SPEGNB: variants seen among roughly 807,000 people sequenced by gnomAD.
The protein encoded by SPEGNB is SPEG neighbor.
A neutral mutation model predicts 18.3 loss-of-function variants in SPEGNB; 12 were observed. The observed-to-expected ratio is 0.65, with a 90% CI of 0.42 to 1.06. The LOEUF is 1.06. Among genes scored for constraint, SPEGNB ranks in the 50% least tolerant of loss-of-function variants. The pLI is 0.00. For missense variants in SPEGNB, 273 were observed against 329.3 expected, an observed-to-expected ratio of 0.83 and a Z score of 1.32; for synonymous variants, 113 against 138.8, an observed-to-expected ratio of 0.81 and a Z score of 1.31.
intron 4 of SPEGNB, 47 bp from the exon 5 acceptor site, chr2:219,498,004 C>T (rs559033573): frequency 1.6e-6 from 2 of 1,286,974 alleles, no homozygotes; most frequent in Non-Finnish European, 2.0e-6. Flanking sequence ...CCAGTGCGCC[C>T]GTGTACTGAC....
Position 219,496,299 on chromosome 2 carries a change from G to A in SPEGNB, c.1-56G>A, listed in dbSNP as rs531826862. On this transcript the variant is annotated intron_variant, in intron 1 of 4. Coordinates refer to ENST00000651166, the MANE Select transcript of SPEGNB (RefSeq NM_001286811.2). The stretch of plus-strand genomic sequence containing the variant: ...GTTCTGACCAGGGAGGAAAAGGGCT[G>A]AAGGTGGGAGCCTCTGTCTCAACCT... The A allele has an allele frequency of 2.6e-6, 3 of 1,152,158 alleles. No homozygotes were observed. The East Asian group carries it at 1.9e-4, about 73-fold the overall frequency. The allele number at this position is 1,152,158 out of a possible 1,614,324, so 71.4% of individuals were successfully genotyped here.
Position 219,496,396 on chromosome 2 carries a change from C to T in SPEGNB, c.42C>T (p.Ala14=), listed in dbSNP as rs1694225827. Residue 14 remains alanine, a synonymous_variant, in exon 2 of 5, where the codon GCC becomes GCT. Transcript: ENST00000651166. ...AAPAKKPVAV[A]PAPGCTLDIN... ...CTGCCAAAAAGCCAGTGGCTGTGGC[C>T]CCAGCTCCTGGATGTACCCTGGACA... The T allele has an allele frequency of 7.8e-7, 1 of 1,287,590 alleles. No homozygotes were observed. Among genetic ancestry groups the T allele is most frequent in the Admixed American group, 2.3e-5 (1 of 43,190 alleles). 79.8% of individuals were successfully genotyped at this position (1,287,590 alleles called of 1,614,324 possible). A position where few individuals can be genotyped will look rare whatever the true frequency, so the allele number is the denominator to read the frequency against.
rs1250479690 is a variant in SPEGNB at position 219,497,042 on chromosome 2, A to G, written c.362A>G (p.Asp121Gly). ...GTGGTGCGCGACGGCGAGCTGGCAG[A>G]CCTGGGCCAGTACAGCATCAACGTC... ...ALVVRDGELA[D>G]LGQYSINVTN... The change falls in exon 3 of 5, where the codon GAC (aspartate) becomes GGC (glycine). Residue 121 changes from aspartate (D) to glycine (G), a missense_variant. Asp to Gly is a moderately conservative substitution (Grantham distance 94). Transcript: ENST00000651166. The G allele has an allele frequency of 1.6e-5, 21 of 1,295,490 alleles. No homozygotes were observed. The East Asian group carries it at 1.7e-4, about 10-fold the overall frequency. The allele number at this position is 1,295,490 out of a possible 1,614,324, so 80.2% of individuals were successfully genotyped here.
Position 219,497,004 on chromosome 2 carries a change from C to T in SPEGNB, c.324C>T (p.Asp108=). 1 of 1,302,530 alleles carries T rather than the reference C, an allele frequency of 7.7e-7. No homozygotes were observed. The highest frequency in any genetic ancestry group is 1.0e-6 in the Non-Finnish European group (1 of 987,554). 80.7% of individuals were successfully genotyped at this position (1,302,530 alleles called of 1,614,324 possible). The change falls in exon 3 of 5, where the codon GAC becomes GAT. Residue 108 remains aspartate, a synonymous_variant. Coordinates refer to ENST00000651166, the MANE Select transcript of SPEGNB (RefSeq NM_001286811.2). ...PKYRYVFEDP[D]VVALVVRDGE... ...ACCGCTACGTCTTCGAGGACCCTGA[C>T]GTGGTGGCACTGGTGGTGCGCGACG...
intron 3 of SPEGNB, 74 bp from the exon 4 acceptor site, chr2:219,497,646 A>G (rs1027953890): frequency 2.9e-5 from 37 of 1,264,992 alleles, no homozygotes; most frequent in Non-Finnish European, 3.7e-5. Context: ...AGTGCCGGGT[A>G]TTAGCCGGTG....
rs1267221094 is a variant in SPEGNB at position 219,497,131 on chromosome 2, G to A, written c.436+15G>A. The A allele has an allele frequency of 8.4e-7, 1 of 1,190,414 alleles. No individual in the cohort carries two copies. Among genetic ancestry groups the A allele is most frequent in the East Asian group, 6.4e-5 (1 of 15,642 alleles). 73.7% of individuals were successfully genotyped at this position (1,190,414 alleles called of 1,614,324 possible). A position where few individuals can be genotyped will look rare whatever the true frequency, so the allele number is the denominator to read the frequency against. On this transcript the variant is annotated intron_variant, in intron 3 of 4. Transcript: ENST00000651166. ...CCTCGTGGAAGGTACGCGCGCCCCG[G>A]GCGCAGCGCCAGGGCGCAGACCAGC... is the stretch of plus-strand genomic sequence containing the variant.
In SPEGNB at chr2:219,498,102, C is replaced by T. The variant is rs904883823; in HGVS notation, c.630C>T (p.Ala210=). 8.4e-6 allele frequency: 11 copies of T among 1,304,178 alleles called. No individual in the cohort carries two copies. Among genetic ancestry groups the T allele is most frequent in the Admixed American group, 2.3e-5 (1 of 43,548 alleles). The allele number at this position is 1,304,178 out of a possible 1,614,324, so 80.8% of individuals were successfully genotyped here. A position where few individuals can be genotyped will look rare whatever the true frequency, so the allele number is the denominator to read the frequency against. The change falls in exon 5 of 5, where the codon GCC becomes GCT. Residue 210 remains alanine (A), a synonymous_variant. Coordinates refer to ENST00000651166, the MANE Select transcript of SPEGNB (RefSeq NM_001286811.2). Reference sequence around the variant, plus strand: ...CCACGACGCTGACCATTCGCCGGGCCACGCCTCAGGACAGCGGCAAGTACG... The same window carrying T: ...CCACGACGCTGACCATTCGCCGGGCTACGCCTCAGGACAGCGGCAAGTACG... ...STTTTLTIRR[A]TPQDSGKYEV...
chr2:219,496,192 C>G lies in SPEGNB; in HGVS notation c.-26C>G, dbSNP rs1694221611. Among the ~76,000 whole-genome samples the G allele has an allele frequency of 6.6e-6, 1 of 152,190 alleles. No individual in the cohort carries two copies. The highest frequency in any genetic ancestry group is 2.4e-5 in the African/African-American group (1 of 41,448). ...CTGCCTGCAATCCAGCCAGTCGACTCAAGTCCCTAGGTCAACCCCTCCACG... is the reference window on the plus strand; with the variant it reads ...CTGCCTGCAATCCAGCCAGTCGACTGAAGTCCCTAGGTCAACCCCTCCACG... On this transcript the variant is annotated 5_prime_UTR_variant, in exon 1 of 5. Coordinates refer to ENST00000651166, the MANE Select transcript of SPEGNB (RefSeq NM_001286811.2).
At chr2:219,497,245 C>A (rs761502776) in intron 3 of SPEGNB, 129 bp downstream of exon 3, 2 of 736,008 alleles carry the variant, frequency 2.7e-6, no homozygotes, top group Non-Finnish European at 3.5e-6. Flanking sequence ...CAGCTCTGGG[C>A]ACGGCCTGGG....
At position 219,496,981 on chromosome 2, in the gene SPEGNB, C is replaced by A. The variant is rs1173177820; in HGVS notation, c.301C>A (p.Arg101Ser). 3 of 1,303,330 alleles carry A rather than the reference C, an allele frequency of 2.3e-6. No individual in the cohort carries two copies. The highest frequency in any genetic ancestry group is 5.6e-5 in the East Asian group (1 of 17,988). 80.7% of individuals were successfully genotyped at this position (1,303,330 alleles called of 1,614,324 possible). The change falls in exon 3 of 5, where the codon CGC becomes AGC. Residue 101 changes from arginine (R) to serine (S), a missense_variant. By Grantham distance (110) the Arg-to-Ser change is moderately radical. Transcript: ENST00000651166. ...GGAGCTACGTGACGGTCCCAAGTAC[C>A]GCTACGTCTTCGAGGACCCTGACGT... is the stretch of plus-strand genomic sequence containing the variant. ...GKELRDGPKY[R>S]YVFEDPDVVA...
chr2:219,497,358 C>T (rs1694248888), intron 3 of SPEGNB, among the ~76,000 whole-genome samples: 1 of 152,202 alleles, frequency 6.6e-6, no homozygotes, highest in Non-Finnish European at 1.5e-5. Flanking sequence ...GCTCCGGGTC[C>T]CCAAGGTCAC....
intron 2 of SPEGNB, 41 bp downstream of exon 2, chr2:219,496,523 C>A: frequency 1.7e-6 from 2 of 1,201,434 alleles, no homozygotes; most frequent in Non-Finnish European, 2.1e-6. Flanking sequence ...AAGGGAGCTG[C>A]AGAGAGCGCA....
Position 219,498,284 on chromosome 2 carries a change from C to A in SPEGNB, c.*95C>A. 8.6e-7 allele frequency: 1 copy of A among 1,163,258 alleles called. No homozygotes were observed. Among genetic ancestry groups the A allele is most frequent in the Non-Finnish European group, 1.1e-6 (1 of 895,366 alleles). The allele number at this position is 1,163,258 out of a possible 1,614,324, so 72.1% of individuals were successfully genotyped here. On this transcript the variant is annotated 3_prime_UTR_variant, in exon 5 of 5. Coordinates refer to ENST00000651166, the MANE Select transcript of SPEGNB (RefSeq NM_001286811.2). ...TTGCTTAATAAAGCTGCTCTCTGAC[C>A]CTCCGCGTCTGTCCTGCTCTTCCGC...
At chr2:219,497,658 G>A (rs952472651) in intron 3 of SPEGNB, 62 bp from the exon 4 acceptor site, 8 of 1,282,854 alleles carry the variant, frequency 6.2e-6, no homozygotes, top group African/African-American at 6.1e-5. Flanking sequence ...TAGCCGGTGA[G>A]GTGATGCCCT....
chr2:219,498,160 C>G lies in SPEGNB; in HGVS notation c.688C>G (p.Gln230Glu), dbSNP rs562302531. ...VYVENSLGMD[Q>E]SFARVDVA ...CGTGGAGAACAGCCTGGGCATGGACCAGAGCTTCGCTCGCGTCGACGTGGC... is the reference window on the plus strand; with the variant it reads ...CGTGGAGAACAGCCTGGGCATGGACGAGAGCTTCGCTCGCGTCGACGTGGC... The change falls in exon 5 of 5, where the codon CAG becomes GAG. Residue 230 changes from glutamine (Q) to glutamate (E), a missense_variant. Coordinates refer to ENST00000651166, the MANE Select transcript of SPEGNB (RefSeq NM_001286811.2). The G allele has an allele frequency of 7.7e-7, 1 of 1,304,248 alleles. No individual in the cohort carries two copies. Among genetic ancestry groups the G allele is most frequent in the East Asian group, 5.5e-5 (1 of 18,030 alleles). 80.8% of individuals were successfully genotyped at this position (1,304,248 alleles called of 1,614,324 possible).
At position 219,496,446 on chromosome 2, in the gene SPEGNB, C is replaced by T. The variant is rs759323261; in HGVS notation, c.92C>T (p.Ala31Val). 9 of 1,284,290 alleles carry T rather than the reference C, an allele frequency of 7.0e-6. No individual in the cohort carries two copies. Among genetic ancestry groups the T allele is most frequent in the South Asian group, 3.8e-5 (3 of 79,570 alleles). The allele number at this position is 1,284,290 out of a possible 1,614,324, so 79.6% of individuals were successfully genotyped here. A position where few individuals can be genotyped will look rare whatever the true frequency, so the allele number is the denominator to read the frequency against. The change falls in exon 2 of 5, where the codon GCG (alanine) becomes GTG (valine). Residue 31 changes from alanine to valine, a missense_variant. Ala to Val is a moderately conservative substitution (Grantham distance 64). Transcript: ENST00000651166. ...ATCAATGACCCACAGGTCCAGAGTG[C>T]GGCCATTCGTATCCAGGCCTCTTAC... Reference protein sequence around the residue: ...LDINDPQVQSAAIRIQASYRG... With the variant: ...LDINDPQVQSVAIRIQASYRG...
At chr2:219,496,677 C>A in intron 2 of SPEGNB, 132 bp from the exon 3 acceptor site, 1 of 998,552 alleles carries the variant, frequency 1.0e-6, no homozygotes, top group Non-Finnish European at 1.3e-6. Flanking sequence ...AGGAGCAGTC[C>A]TCTTCCCTAC....
At position 219,496,853 on chromosome 2, in the gene SPEGNB, A is replaced by C; in HGVS notation, c.173A>C (p.Glu58Ala). Residue 58 changes from glutamate to alanine, a missense_variant, in exon 3 of 5, where the codon GAG (glutamate) becomes GCG (alanine). Transcript: ENST00000651166. ...GAGAAGGGGCCGCCGCGGGTGCTGG[A>C]GCCGCTGAAGGACGTGGTGCTGATC... ...LREKGPPRVL[E>A]PLKDVVLIEG... 2.4e-6 allele frequency: 3 copies of C among 1,264,426 alleles called. No homozygotes were observed. Among genetic ancestry groups the C allele is most frequent in the Non-Finnish European group, 3.1e-6 (3 of 962,766 alleles). 78.3% of individuals were successfully genotyped at this position (1,264,426 alleles called of 1,614,324 possible).
In SPEGNB at chr2:219,498,270, A is replaced by T. The variant is rs1277922473; in HGVS notation, c.*81A>T. ...AGCCCTCCACCAGCTTGCTTAATAA[A>T]GCTGCTCTCTGACCCTCCGCGTCTG... On this transcript the variant is annotated 3_prime_UTR_variant, in exon 5 of 5. Transcript: ENST00000651166. 2.0e-5 allele frequency: 24 copies of T among 1,220,460 alleles called. No individual in the cohort carries two copies. The highest frequency in any genetic ancestry group is 2.9e-5 in the Admixed American group (1 of 34,188). The allele number at this position is 1,220,460 out of a possible 1,614,324, so 75.6% of individuals were successfully genotyped here. A position where few individuals can be genotyped will look rare whatever the true frequency, so the allele number is the denominator to read the frequency against.
Sources: allele counts gnomAD v4.1 joint callset (sites outside exome capture counted in the v4.1 genomes callset), GRCh38; gene constraint gnomAD v4.1.1; transcripts MANE v1.5; gene names NCBI Gene and HGNC (gene_info 2026-07-23, HGNC 2026-07-21).